The following SPAG16 variants were observed in gnomAD, a reference collection of about 807,000 sequenced individuals.
The protein encoded by SPAG16 is sperm-associated antigen 16 protein.
SPAG16 carries 86 observed loss-of-function variants against 80.4 expected under a neutral mutation model. The observed-to-expected ratio is 1.07, with a 90% CI of 0.90 to 1.28. The LOEUF (loss-of-function observed/expected upper bound fraction) is 1.28. Ranked by LOEUF, SPAG16 falls within the 50% of genes most tolerant of loss-of-function variation. SPAG16 has a pLI of 0.00. For synonymous variants in SPAG16, 294 were observed against 265.9 expected, an observed-to-expected ratio of 1.11 and a Z score of -1.03; for missense variants, 870 against 765.3, an observed-to-expected ratio of 1.14 and a Z score of -1.61.
intron 12 of SPAG16, among the ~76,000 whole-genome samples, chr2:213,954,308 CT>C (rs894259150): frequency 6.6e-6 from 1 of 151,892 alleles, no homozygotes; most frequent in African/African-American, 2.4e-5. Flanking sequence ...TGACTGGTTT[CT>C]TTTATATTTT....
chr2:214,130,213 G>A (rs1466113555), intron 14 of SPAG16, among the ~76,000 whole-genome samples: 9 of 152,198 alleles, frequency 5.9e-5, no homozygotes, highest in African/African-American at 2.2e-4. Flanking sequence ...AGCAGCCGGT[G>A]TGAGAGTTTG....
intron 10 of SPAG16, among the ~76,000 whole-genome samples, chr2:213,665,425 T>C (rs1211440705): frequency 2.0e-5 from 3 of 151,972 alleles, no homozygotes; most frequent in African/African-American, 7.2e-5. Flanking sequence ...AGGGAACATA[T>C]CTGTGATTAT....
intron 13 of SPAG16, among the ~76,000 whole-genome samples, chr2:214,072,141 G>A (rs1034719024): frequency 1.3e-5 from 2 of 151,922 alleles, no homozygotes; most frequent in Non-Finnish European, 2.9e-5. Context: ...CCAGTTTCCA[G>A]TTGTCACACA....
chr2:214,299,709 A>G (rs1310837196), intron 15 of SPAG16, among the ~76,000 whole-genome samples: 1 of 152,166 alleles, frequency 6.6e-6, no homozygotes, highest in African/African-American at 2.4e-5. Context: ...AGGCTCTTTT[A>G]AGTTGGCTTT....
At chr2:214,392,512 C>T (rs941593988) in intron 15 of SPAG16, among the ~76,000 whole-genome samples, 1 of 152,118 alleles carries the variant, frequency 6.6e-6, no homozygotes, top group Non-Finnish European at 1.5e-5. Flanking sequence ...GTGAGCTTTT[C>T]CCATGACAGC....
At chr2:213,285,854 C>T (rs1295998273) in intron 1 of SPAG16, 2 of 1,284,346 alleles carry the variant, frequency 1.6e-6, no homozygotes, top group South Asian at 1.2e-5. Context: ...TGATATTCCT[C>T]TTTAACAACG....
chr2:213,757,236 T>C (rs1183224734), intron 10 of SPAG16, among the ~76,000 whole-genome samples: 1 of 152,032 alleles, frequency 6.6e-6, no homozygotes, highest in African/African-American at 2.4e-5. Context: ...AATAGACATA[T>C]ATATTCATGA....
rs1698810791 is a variant in SPAG16 at position 214,356,465 on chromosome 2, G to A, written c.1721-53675G>A. Among the ~76,000 whole-genome samples the A allele has an allele frequency of 2.6e-5, 4 of 151,930 alleles. No individual in the cohort carries two copies. The South Asian group carries it at 8.3e-4, about 31-fold the overall frequency. On this transcript the variant is annotated intron_variant, in intron 15 of 15. Transcript: ENST00000331683. ...CTCTTCTCTGTAGTGGACATTTGGT[G>A]TCTGTCAAAGAACAAAACAACTATG...
At chr2:213,738,007 A>C (rs957820556) in intron 10 of SPAG16, among the ~76,000 whole-genome samples, 3 of 152,084 alleles carry the variant, frequency 2.0e-5, no homozygotes, top group Middle Eastern at 3.4e-3. Flanking sequence ...GTTTCTCTTC[A>C]TTGTAGTTTT....
At chr2:213,402,836 T>G (rs1240793680) in intron 9 of SPAG16, among the ~76,000 whole-genome samples, 1 of 152,194 alleles carries the variant, frequency 6.6e-6, no homozygotes, top group African/African-American at 2.4e-5. Context: ...TTGTTGGACA[T>G]TTAGGTTGGT....
At position 213,631,409 on chromosome 2, in the gene SPAG16, G is replaced by A. The variant is rs571991819; in HGVS notation, c.1070+141319G>A. Among the ~76,000 whole-genome samples, 11 of 152,128 alleles carry A rather than the reference G, an allele frequency of 7.2e-5. No individual in the cohort carries two copies. The South Asian group carries it at 8.3e-4, about 11-fold the overall frequency. ...CTGAGTACTTTAAATGTATTAATTC[G>A]TTTAATTCTTATCACATTATGAAGT... is the stretch of plus-strand genomic sequence containing the variant. On this transcript the variant is annotated intron_variant, in intron 10 of 15. Transcript: ENST00000331683.
At chr2:213,548,941 T>A (rs912311863) in intron 10 of SPAG16, among the ~76,000 whole-genome samples, 1 of 152,102 alleles carries the variant, frequency 6.6e-6, no homozygotes, top group Non-Finnish European at 1.5e-5. Flanking sequence ...TTGTCCTGGC[T>A]TGTCATATAA....
chr2:214,256,596 A>G (rs1423165201), intron 15 of SPAG16, among the ~76,000 whole-genome samples: 1 of 151,842 alleles, frequency 6.6e-6, no homozygotes, highest in Non-Finnish European at 1.5e-5. Context: ...GTTGTTGCTG[A>G]TTGTTACCTG....
chr2:213,501,019 C>T (rs2074718599), intron 10 of SPAG16, among the ~76,000 whole-genome samples: 1 of 152,144 alleles, frequency 6.6e-6, no homozygotes, highest in African/African-American at 2.4e-5. Flanking sequence ...GAAAAAGTAC[C>T]TGTATATTTC....
At chr2:214,223,085 A>G (rs953067012) in intron 15 of SPAG16, among the ~76,000 whole-genome samples, 9 of 152,286 alleles carry the variant, frequency 5.9e-5, no homozygotes, top group African/African-American at 2.2e-4. Flanking sequence ...AATCCCTGAT[A>G]ATCACAAACA....
intron 10 of SPAG16, among the ~76,000 whole-genome samples, chr2:213,606,812 C>T (rs6737484): frequency 2.6e-5 from 4 of 152,160 alleles, no homozygotes; most frequent in African/African-American, 7.2e-5. Context: ...TCCATACCTT[C>T]GGCAAAATGC....
At chr2:213,876,017 C>G (rs930636668) in intron 11 of SPAG16, among the ~76,000 whole-genome samples, 1 of 151,884 alleles carries the variant, frequency 6.6e-6, no homozygotes, top group African/African-American at 2.4e-5. Flanking sequence ...AAAGACTTGC[C>G]AAGATATGTT....
intron 10 of SPAG16, among the ~76,000 whole-genome samples, chr2:213,653,402 A>G (rs2063097946): frequency 6.6e-6 from 1 of 152,106 alleles, no homozygotes; most frequent in Non-Finnish European, 1.5e-5. Context: ...ACATCCCCCT[A>G]AGCTCTTGAG....
chr2:213,436,357 T>C (rs933011689), intron 9 of SPAG16, among the ~76,000 whole-genome samples: 4 of 152,176 alleles, frequency 2.6e-5, no homozygotes, highest in African/African-American at 9.7e-5. Flanking sequence ...CAGTTAAATT[T>C]ATTTGTTCCC....
Sources: gnomAD v4.1 joint callset for allele counts (sites outside exome capture counted in the v4.1 genomes callset) on GRCh38, gnomAD v4.1.1 for gene constraint, MANE v1.5 for transcripts, NCBI Gene and HGNC (gene_info 2026-07-23, HGNC 2026-07-21) for gene names.